Variants in COPZ2 observed in about 807,000 individuals in gnomAD.
COPZ2 encodes coat protein complex I subunit zeta 2, also known as coatomer subunit zeta-2.
COPZ2 carries 30 observed loss-of-function variants against 33.2 expected under a neutral mutation model. The observed-to-expected ratio is 0.90, with a 90% CI of 0.68 to 1.23. The LOEUF (loss-of-function observed/expected upper bound fraction) is 1.23, where lower values mean the gene tolerates loss of function less well. COPZ2 is among the 50% of genes most tolerant of loss of function. The pLI, the probability that COPZ2 is intolerant of heterozygous loss-of-function variation, is 0.00. For missense variants in COPZ2, 263 were observed against 262.4 expected (o/e 1.00, Z -0.02); for synonymous variants, 89 against 102.6 (o/e 0.87, Z 0.80).
intron 4 of COPZ2, 160 bp downstream of exon 4, chr17:48,033,051 T>A: frequency 3.3e-6 from 2 of 612,912 alleles, no homozygotes; most frequent in South Asian, 3.9e-5. Flanking sequence ...ATACACATTG[T>A]CCCAGAAAGA....
At chr17:48,047,716 T>C in the COPZ2 span, 1 of 152,176 alleles carries the variant, frequency 6.6e-6, no homozygotes, top group Non-Finnish European at 1.5e-5. Context: ...GAAGGTACCC[T>C]TGCCTGGGCC....
chr17:48,031,690 C>A (rs2036897269), intron 6 of COPZ2: 1 of 178,376 alleles, frequency 5.6e-6, no homozygotes. Context: ...TCCCTTATTA[C>A]CTCCATCCTA....
intron 8 of COPZ2, among the ~76,000 whole-genome samples, 177 bp from the exon 9 acceptor site, chr17:48,026,652 G>A (rs1488104358): frequency 2.0e-5 from 3 of 152,200 alleles, no homozygotes; most frequent in African/African-American, 4.8e-5. Context: ...GTCAGAAAGC[G>A]CAGACCAAAC....
chr17:48,037,665 A>G lies in COPZ2; in HGVS notation c.111+2T>C. ...GGATCCCCGCGCCCGCCCGCTCCGT[A>G]CCCGCAGCCCCGAGGGCTCCCCGGC... On this transcript the variant is annotated splice_donor_variant, in intron 1 of 8. Transcript: ENST00000621465. LOFTEE classifies it high-confidence loss of function. This position sits in a 1 kb window ranked among gnomAD's most constrained non-coding sequence, Gnocchi z 5.6. 9.3e-7 allele frequency: 1 copy of G among 1,072,624 alleles called. No individual in the cohort carries two copies. The allele number at this position is 1,072,624 out of a possible 1,614,324, so 66.4% of individuals were successfully genotyped here.
chr17:48,032,576 T>C (rs1288447535), intron 5 of COPZ2, 110 bp downstream of exon 5: 18 of 894,960 alleles, frequency 2.0e-5, no homozygotes, highest in Non-Finnish European at 3.2e-5. Context: ...CTTTTCTTTT[T>C]GGATTATCTT....
the COPZ2 span, chr17:48,047,789 G>A: frequency 1.3e-5 from 2 of 152,256 alleles, no homozygotes; most frequent in Admixed American, 6.5e-5. Flanking sequence ...AGGGGAAGTT[G>A]GGGTACCGGT....
At position 48,028,669 on chromosome 17, in the gene COPZ2, C is replaced by A; in HGVS notation, c.547-159G>T. The stretch of plus-strand genomic sequence containing the variant: ...CACTGGTTAATAGAAGTCCTGCAGC[C>A]TGTCATTTGGAAGCCAGGACCTCTG... On this transcript the variant is annotated intron_variant, in intron 7 of 8. Transcript: ENST00000621465. The surrounding 1 kb of genome is among the most constrained non-coding windows in gnomAD (Gnocchi z 4.5). 1.5e-6 allele frequency: 1 copy of A among 653,942 alleles called. No homozygotes were observed. Among genetic ancestry groups the A allele is most frequent in the Non-Finnish European group, 2.6e-6 (1 of 382,976 alleles). 40.5% of individuals were successfully genotyped at this position (653,942 alleles called of 1,614,324 possible). A position where few individuals can be genotyped will look rare whatever the true frequency, so the allele number is the denominator to read the frequency against.
upstream of COPZ2, chr17:48,037,958 C>A: frequency 1.6e-6 from 1 of 635,826 alleles, no homozygotes; most frequent in East Asian, 1.6e-4. This position sits in a 1 kb window ranked among gnomAD's most constrained non-coding sequence, Gnocchi z 5.6. Context: ...TCCCCCACTT[C>A]TCCTCTCCCT....
chr17:48,032,012 G>A (rs1176530484), intron 6 of COPZ2, 144 bp downstream of exon 6: 2 of 695,386 alleles, frequency 2.9e-6, no homozygotes, highest in Non-Finnish European at 5.2e-6. Flanking sequence ...AAGGGGAAGG[G>A]CTAGGGGAAT....
chr17:48,032,173 G>C lies in COPZ2; in HGVS notation c.477C>G (p.Asp159Glu), dbSNP rs192028283. The C allele has an allele frequency of 8.7e-5, 140 of 1,613,262 alleles. No individual in the cohort carries two copies. In the East Asian group the frequency reaches 2.9e-3, roughly 33 times the overall value. Residue 159 changes from aspartate (D) to glutamate (E), a missense_variant, in exon 6 of 9, where the codon GAC becomes GAG. Physicochemically the swap from Asp to Glu is conservative, Grantham distance 45. Transcript: ENST00000621465. ...ENMDGAFLVL[D>E]EIVDGGVILE... The stretch of plus-strand genomic sequence containing the variant: ...CTCCTCACCCGCCATCCACAATCTC[G>C]TCCAGCACCAAGAAGGCTCCGTCCA...
chr17:48,029,288 C>T (rs2036858626), intron 6 of COPZ2, 112 bp from the exon 7 acceptor site: 7 of 923,368 alleles, frequency 7.6e-6, no homozygotes, highest in Admixed American at 2.0e-5. Flanking sequence ...AACATCTCCA[C>T]CTTCCAGGTC....
At chr17:48,029,448 A>G (rs1203627187) in intron 6 of COPZ2, 2 of 514,856 alleles carry the variant, frequency 3.9e-6, no homozygotes, top group Non-Finnish European at 6.8e-6. Context: ...CTGGTCTAGG[A>G]TGATCAGGTT....
chr17:48,047,665 C>CCGCCAACGTT, the COPZ2 span: 4 of 126,322 alleles, frequency 3.2e-5, no homozygotes, highest in Non-Finnish European at 7.2e-5. Flanking sequence ...CCGCCAACGT[C>CCGCCAACGTT]CCACCACCCT....
At chr17:48,027,806 G>A (rs1358120003) in intron 8 of COPZ2, 1 of 152,332 alleles carries the variant, frequency 6.6e-6, no homozygotes, top group African/African-American at 2.4e-5. Flanking sequence ...GTGGACAGAA[G>A]AGAGGTCAAG....
At chr17:48,026,701 C>G (rs779103847) in intron 8 of COPZ2, among the ~76,000 whole-genome samples, 2 of 152,246 alleles carry the variant, frequency 1.3e-5, no homozygotes, top group African/African-American at 4.8e-5. Context: ...CAAGCCTGCC[C>G]AGACCTCTGG....
Position 48,037,683 on chromosome 17 carries a change from TC to T in COPZ2, c.94del (p.Glu32SerfsTer21). The part of the protein sequence containing the change: ...GGPAPPARAG[E>X]PSGLRLQEPS... The stretch of plus-strand genomic sequence containing the variant: ...GCTCCGTACCCGCAGCCCCGAGGGC[TC>T]CCCGGCTCGAGCAGGCGGCGCCGGG... On this transcript the variant is annotated frameshift_variant, in exon 1 of 9. Transcript: ENST00000621465. LOFTEE classifies it high-confidence loss of function. This position sits in a 1 kb window ranked among gnomAD's most constrained non-coding sequence, Gnocchi z 5.6. The T allele has an allele frequency of 2.8e-6, 3 of 1,074,566 alleles. No individual in the cohort carries two copies. Among genetic ancestry groups the T allele is most frequent in the Non-Finnish European group, 3.4e-6 (3 of 892,298 alleles). The allele number at this position is 1,074,566 out of a possible 1,614,324, so 66.6% of individuals were successfully genotyped here.
At chr17:48,039,482 AAAGAAG>A (rs1215259537), upstream of COPZ2, among the ~76,000 whole-genome samples, 2 of 151,200 alleles carry the variant, frequency 1.3e-5, no homozygotes, top group African/African-American at 2.4e-5. Context: ...AAAAAAAAAA[AAAGAAG>A]AAGAAGAAGA....
At chr17:48,044,671 C>T in the COPZ2 span, among the ~76,000 whole-genome samples, 1 of 152,102 alleles carries the variant, frequency 6.6e-6, no homozygotes, top group Non-Finnish European at 1.5e-5. Context: ...AGGAAAGAGG[C>T]TGGCTTGCAG....
chr17:48,042,811 G>A (rs963561380), upstream of COPZ2, among the ~76,000 whole-genome samples: 2 of 152,164 alleles, frequency 1.3e-5, no homozygotes, highest in African/African-American at 4.8e-5. Flanking sequence ...TAAATTCAGA[G>A]CCAAGTTCAA....
Sources: allele counts gnomAD v4.1 joint callset (sites outside exome capture counted in the v4.1 genomes callset), GRCh38; gene constraint gnomAD v4.1.1; non-coding constraint Gnocchi (gnomAD v3.1); transcripts MANE v1.5; gene names NCBI Gene and HGNC (gene_info 2026-07-23, HGNC 2026-07-21).